Variants in HECTD2 observed in about 807,000 individuals in gnomAD.
HECTD2 encodes the protein HECT domain E3 ubiquitin protein ligase 2, also known as probable E3 ubiquitin-protein ligase HECTD2.
A neutral mutation model predicts 103.2 loss-of-function variants in HECTD2; 35 were observed. The observed-to-expected ratio is 0.34, with a 90% CI of 0.26 to 0.45. The LOEUF is 0.45. HECTD2 is among the 20% of genes least tolerant of loss of function. The probability of loss-of-function intolerance (pLI) is 1.00; values close to 1 mark genes in which losing one functional copy is unlikely to be tolerated. For missense variants in HECTD2, 596 were observed against 937.4 expected (o/e 0.64, Z 4.76); for synonymous variants, 281 against 329.9 (o/e 0.85, Z 1.61).
chr10:91,496,378 T>C lies in HECTD2; in HGVS notation c.1680+6T>C. On this transcript the variant is annotated splice_donor_region_variant and intron_variant, in intron 15 of 20. Coordinates refer to ENST00000298068, the MANE Select transcript of HECTD2 (RefSeq NM_182765.6). ...ACTTATGTCAAATTATGCCTGTAAG[T>C]ATAAAGTTATTAATATCTTGTCCTT... The C allele has an allele frequency of 6.3e-7, 1 of 1,593,562 alleles. No individual in the cohort carries two copies. The highest frequency in any genetic ancestry group is 1.3e-5 in the African/African-American group (1 of 74,544).
intron 2 of HECTD2, among the ~76,000 whole-genome samples, chr10:91,456,377 G>T (rs940770713): frequency 6.6e-6 from 1 of 151,986 alleles, no homozygotes; most frequent in Non-Finnish European, 1.5e-5. Flanking sequence ...CTCTCTGTTT[G>T]TCTGTTATTG....
intron 2 of HECTD2, among the ~76,000 whole-genome samples, chr10:91,433,906 A>T (rs1184676595): frequency 6.6e-6 from 1 of 151,964 alleles, no homozygotes; most frequent in African/African-American, 2.4e-5. Context: ...ACCCATCTCA[A>T]GGCTGTAATA....
intron 5 of HECTD2, chr10:91,462,515 G>A (rs192504797): frequency 2.8e-6 from 3 of 1,085,674 alleles, no homozygotes; most frequent in African/African-American, 1.6e-5. Flanking sequence ...ACATTAGCCT[G>A]TATCAGAATC....
intron 5 of HECTD2, among the ~76,000 whole-genome samples, chr10:91,475,039 G>A (rs552372278): frequency 5.9e-5 from 9 of 152,260 alleles, no homozygotes; most frequent in South Asian, 4.1e-4. Context: ...TTGGGAGAAA[G>A]GAGAAGACTA....
In HECTD2 at chr10:91,443,764, C is replaced by T. The variant is rs190646114; in HGVS notation, c.269-16663C>T. ...TGTTGCTAGTCTGCACAAAATACTA[C>T]GAAACACTCTTCCATGGTTTTAAAT... On this transcript the variant is annotated intron_variant, in intron 2 of 20. Transcript: ENST00000298068. 8.5e-5 allele frequency among the ~76,000 whole-genome samples: 13 copies of T among 152,292 alleles called. 1 individual carries two copies. The South Asian group carries it at 1.5e-3, about 17-fold the overall frequency.
chr10:91,412,337 T>C (rs1199410267), intron 1 of HECTD2, among the ~76,000 whole-genome samples: 1 of 152,210 alleles, frequency 6.6e-6, no homozygotes, highest in Non-Finnish European at 1.5e-5. Flanking sequence ...ATTATGGACT[T>C]GTACTACTAG....
chr10:91,469,165 A>G (rs1438160498), intron 5 of HECTD2, among the ~76,000 whole-genome samples: 2 of 152,214 alleles, frequency 1.3e-5, no homozygotes, highest in African/African-American at 2.4e-5. Context: ...AGAGAAAGCA[A>G]GCAATTTGGA....
intron 2 of HECTD2, among the ~76,000 whole-genome samples, chr10:91,434,407 G>A (rs1159549286): frequency 6.6e-6 from 1 of 151,964 alleles, no homozygotes; most frequent in Non-Finnish European, 1.5e-5. Flanking sequence ...TGTCAGTTAA[G>A]AACTGAGTCT....
chr10:91,430,913 C>A (rs1160956888), intron 2 of HECTD2, among the ~76,000 whole-genome samples: 1 of 150,800 alleles, frequency 6.6e-6, no homozygotes, highest in African/African-American at 2.5e-5. Flanking sequence ...TGAATTTGAT[C>A]CTGTCATTAT....
chr10:91,471,899 A>G (rs944517455), intron 5 of HECTD2, among the ~76,000 whole-genome samples: 1 of 152,256 alleles, frequency 6.6e-6, no homozygotes, highest in Non-Finnish European at 1.5e-5. Context: ...AGCAATTTAC[A>G]GTTGCAGTGC....
At chr10:91,496,637 TTA>T (rs1183902215) in intron 15 of HECTD2, among the ~76,000 whole-genome samples, 1 of 152,170 alleles carries the variant, frequency 6.6e-6, no homozygotes, top group East Asian at 1.9e-4. Context: ...TTTGGACAAG[TTA>T]TTTAACCCTT....
Position 91,445,556 on chromosome 10 carries a change from T to G in HECTD2, c.269-14871T>G, listed in dbSNP as rs1433038634. On this transcript the variant is annotated intron_variant, in intron 2 of 20. Coordinates refer to ENST00000298068, the MANE Select transcript of HECTD2 (RefSeq NM_182765.6). The stretch of plus-strand genomic sequence containing the variant: ...GCAATTAAAGTCCCTGGGCCTCAGT[T>G]TAGACATTATACAATGAAAGAAGAG... Among the ~76,000 whole-genome samples the G allele has an allele frequency of 2.6e-5, 4 of 152,206 alleles. No individual in the cohort carries two copies. The South Asian group carries it at 8.3e-4, about 32-fold the overall frequency.
At chr10:91,492,290 A>G in intron 12 of HECTD2, 62 bp from the exon 13 acceptor site, 1 of 1,495,690 alleles carries the variant, frequency 6.7e-7, no homozygotes, top group Non-Finnish European at 9.2e-7. Flanking sequence ...CCCAGAATTA[A>G]AAATGTTAAT....
intron 2 of HECTD2, among the ~76,000 whole-genome samples, chr10:91,440,226 A>C (rs1844344950): frequency 6.6e-6 from 1 of 152,136 alleles, no homozygotes; most frequent in Non-Finnish European, 1.5e-5. Flanking sequence ...TGTCATAAAT[A>C]GCTCTTATTA....
chr10:91,415,193 A>AGTGTGT (rs397846279), intron 1 of HECTD2, among the ~76,000 whole-genome samples: 3,591 of 141,674 alleles, frequency 0.025, 109 homozygotes, highest in African/African-American at 0.07. Flanking sequence ...AATTAGAGAA[A>AGTGTGT]GTGTGTGTGT....
intron 2 of HECTD2, among the ~76,000 whole-genome samples, chr10:91,453,696 T>C (rs567118795): frequency 6.6e-6 from 1 of 152,270 alleles, no homozygotes; most frequent in South Asian, 2.1e-4. Context: ...AAGTTCTACC[T>C]TATTAAAAAT....
In HECTD2 at chr10:91,502,521, A is replaced by G. The variant is rs535856054; in HGVS notation, c.2210+1187A>G. On this transcript the variant is annotated intron_variant, in intron 20 of 20. Transcript: ENST00000298068. Reference sequence around the variant, plus strand: ...TTATACATATTTGTATGCTCCAAGTAATCACACATGGTAAGTGCCCAATAG... The same window carrying G: ...TTATACATATTTGTATGCTCCAAGTGATCACACATGGTAAGTGCCCAATAG... Among the ~76,000 whole-genome samples, 19 of 152,318 alleles carry G rather than the reference A, an allele frequency of 1.2e-4. No individual in the cohort carries two copies. In the East Asian group the frequency reaches 1.7e-3, roughly 14 times the overall value.
intron 5 of HECTD2, among the ~76,000 whole-genome samples, chr10:91,464,944 T>C (rs990182265): frequency 2.6e-5 from 4 of 151,958 alleles, no homozygotes; most frequent in Non-Finnish European, 5.9e-5. Flanking sequence ...AAACAGAAAA[T>C]AAACCTAACT....
Position 91,512,517 on chromosome 10 carries a change from A to C in HECTD2, c.*133A>C. 1.2e-6 allele frequency: 1 copy of C among 840,596 alleles called. No individual in the cohort carries two copies. The highest frequency in any genetic ancestry group is 2.1e-5 in the South Asian group (1 of 47,072). The allele number at this position is 840,596 out of a possible 1,614,324, so 52.1% of individuals were successfully genotyped here. ...AACTTTAAAATATTAAGTTTTTAAA[A>C]AATCAAATATGAAGTATGTTCAGCA... On this transcript the variant is annotated 3_prime_UTR_variant, in exon 21 of 21. Transcript: ENST00000298068.
Sources: gnomAD v4.1 joint callset for allele counts (sites outside exome capture counted in the v4.1 genomes callset) on GRCh38, gnomAD v4.1.1 for gene constraint, MANE v1.5 for transcripts, NCBI Gene and HGNC (gene_info 2026-07-23, HGNC 2026-07-21) for gene names.